Variants in SIGLECL1 observed in about 807,000 individuals in gnomAD.
The protein encoded by SIGLECL1 is SIGLEC family like 1, also known as SIGLEC family-like protein 1.
Under a neutral mutation model 19.1 loss-of-function variants are expected in SIGLECL1, and 16 were observed. The ratio of observed to expected loss-of-function variants is 0.84; its 90% CI spans 0.57 to 1.27. The LOEUF is 1.27. Among genes scored for constraint, SIGLECL1 ranks in the 50% most tolerant of loss-of-function variants. SIGLECL1 has a pLI of 0.00. For missense variants in SIGLECL1, 210 were observed against 239.4 expected, an observed-to-expected ratio of 0.88 and a Z score of 0.81; for synonymous variants, 89 against 90.4, an observed-to-expected ratio of 0.98 and a Z score of 0.09.
rs1052087481 is a variant in SIGLECL1 at position 51,267,533 on chromosome 19, T to C, written c.567+4T>C. ...ATTTTCTGAGAGCCGGATATTGGTA[T>C]GTACCTATTGTGTCTGGAATCTAGT... On this transcript the variant is annotated splice_donor_region_variant and intron_variant, in intron 5 of 5. Transcript: ENST00000601727. The C allele has an allele frequency of 1.2e-6, 2 of 1,613,788 alleles. No homozygotes were observed. Among genetic ancestry groups the C allele is most frequent in the African/African-American group, 1.3e-5 (1 of 74,984 alleles).
At chr19:51,253,929 T>G (rs1160070598) in intron 1 of SIGLECL1, among the ~76,000 whole-genome samples, 1 of 152,160 alleles carries the variant, frequency 6.6e-6, no homozygotes, top group Non-Finnish European at 1.5e-5. Flanking sequence ...AAAGATAAAA[T>G]TTCTACGTCT....
At chr19:51,250,448 G>T (rs1031006857), upstream of SIGLECL1, among the ~76,000 whole-genome samples, 2 of 152,076 alleles carry the variant, frequency 1.3e-5, no homozygotes, top group South Asian at 2.1e-4. Context: ...ATCTTGTGCT[G>T]ACCGCCTATA....
At chr19:51,266,861 G>A (rs1484643716) in intron 4 of SIGLECL1, among the ~76,000 whole-genome samples, 3 of 152,194 alleles carry the variant, frequency 2.0e-5, no homozygotes, top group Non-Finnish European at 2.9e-5. Context: ...AGAGTGCTAA[G>A]CTGTGAAGGA....
chr19:51,264,152 T>G, intron 2 of SIGLECL1, 58 bp downstream of exon 2: 2 of 1,606,760 alleles, frequency 1.2e-6, no homozygotes, highest in Non-Finnish European at 1.7e-6. Flanking sequence ...CTCCAGGGCC[T>G]GGGTGTTGGC....
At chr19:51,267,595 G>T (rs1983776133) in intron 5 of SIGLECL1, 66 bp downstream of exon 5, 3 of 1,569,102 alleles carry the variant, frequency 1.9e-6, no homozygotes, top group Non-Finnish European at 2.6e-6. Flanking sequence ...ACAGGGAAAG[G>T]AGCACACAGT....
chr19:51,267,757 C>T (rs1229894969), intron 5 of SIGLECL1, among the ~76,000 whole-genome samples: 1 of 152,186 alleles, frequency 6.6e-6, no homozygotes, highest in East Asian at 1.9e-4. Context: ...TCAATTTACA[C>T]GCACACACCA....
At chr19:51,246,469 C>T (rs561645012), upstream of SIGLECL1, 3 of 152,262 alleles carry the variant, frequency 2.0e-5, no homozygotes, top group South Asian at 6.2e-4. Flanking sequence ...GCATTTGGGG[C>T]TGGATAATTC....
chr19:51,259,842 C>T (rs1035842547), intron 1 of SIGLECL1, among the ~76,000 whole-genome samples: 1 of 152,186 alleles, frequency 6.6e-6, no homozygotes, highest in Non-Finnish European at 1.5e-5. Flanking sequence ...CTGCGAGATC[C>T]TATTATTACT....
At chr19:51,254,977 T>C (rs1489202594) in intron 1 of SIGLECL1, among the ~76,000 whole-genome samples, 1 of 152,048 alleles carries the variant, frequency 6.6e-6, no homozygotes, top group Non-Finnish European at 1.5e-5. Context: ...GACTTAAATA[T>C]AGCCAGGCGC....
chr19:51,267,867 G>C (rs749253085), intron 5 of SIGLECL1, among the ~76,000 whole-genome samples: 1 of 152,126 alleles, frequency 6.6e-6, no homozygotes, highest in African/African-American at 2.4e-5. Context: ...GTGTATGGCC[G>C]GCAGCAGTCA....
chr19:51,251,144 C>A lies in SIGLECL1; in HGVS notation c.-592C>A, dbSNP rs1325512571. ...GCTATCACGCCCCTCACGCCGCTAT[C>A]TCTGTGCAGCCGACTGAGGATCCCT... On this transcript the variant is annotated 5_prime_UTR_variant, in exon 1 of 6. Coordinates refer to ENST00000601727, the MANE Select transcript of SIGLECL1 (RefSeq NM_001385465.1). 1 of 152,426 alleles carries A rather than the reference C, an allele frequency of 6.6e-6. No individual in the cohort carries two copies. Among genetic ancestry groups the A allele is most frequent in the South Asian group, 2.1e-4 (1 of 4,832 alleles). 9.4% of individuals were successfully genotyped at this position (152,426 alleles called of 1,614,324 possible). A position where few individuals can be genotyped will look rare whatever the true frequency, so the allele number is the denominator to read the frequency against.
upstream of SIGLECL1, chr19:51,246,469 CTGGATAATTCTTTGGTGG>C (rs1200368746): frequency 6.6e-6 from 1 of 152,144 alleles, no homozygotes; most frequent in Non-Finnish European, 1.5e-5. Flanking sequence ...GCATTTGGGG[CTGGATAATTCTTTGGTGG>C]TGGTGGTTAG....
Position 51,268,700 on chromosome 19 carries a change from C to T in SIGLECL1, c.*103C>T. 1 of 1,088,074 alleles carries T rather than the reference C, an allele frequency of 9.2e-7. No homozygotes were observed. The highest frequency in any genetic ancestry group is 1.3e-6 in the Non-Finnish European group (1 of 743,198). The allele number at this position is 1,088,074 out of a possible 1,614,324, so 67.4% of individuals were successfully genotyped here. A position where few individuals can be genotyped will look rare whatever the true frequency, so the allele number is the denominator to read the frequency against. On this transcript the variant is annotated 3_prime_UTR_variant, in exon 6 of 6. Transcript: ENST00000601727. The stretch of plus-strand genomic sequence containing the variant: ...CAGAAACCCTGGAGGCTGTAATAAA[C>T]CTGGAGCCCCCTGGACTCTCCTCAG...
At chr19:51,250,084 CTTTT>C (rs529491900), upstream of SIGLECL1, among the ~76,000 whole-genome samples, 20 of 141,100 alleles carry the variant, frequency 1.4e-4, no homozygotes, top group African/African-American at 4.4e-4. Context: ...TGGCTGGCTT[CTTTT>C]TTTTTTTTTT....
At position 51,268,920 on chromosome 19, in the gene SIGLECL1, G is replaced by C. The variant is rs1160228484; in HGVS notation, c.*323G>C. On this transcript the variant is annotated 3_prime_UTR_variant, in exon 6 of 6. Coordinates refer to ENST00000601727, the MANE Select transcript of SIGLECL1 (RefSeq NM_001385465.1). ...AAATACATGTGACAATATGAATCAA[G>C]TCCATCAGCAAGTTACTTTTGAGCG... 3.7e-6 allele frequency: 1 copy of C among 266,808 alleles called. No individual in the cohort carries two copies. Among genetic ancestry groups the C allele is most frequent in the Non-Finnish European group, 7.1e-6 (1 of 140,844 alleles). The allele number at this position is 266,808 out of a possible 1,614,324, so 16.5% of individuals were successfully genotyped here.
intron 2 of SIGLECL1, 73 bp downstream of exon 2, chr19:51,264,167 C>T: frequency 5.1e-6 from 8 of 1,577,554 alleles, no homozygotes; most frequent in Non-Finnish European, 7.0e-6. Flanking sequence ...GTTGGCAGGG[C>T]AGAGGATGGG....
intron 1 of SIGLECL1, among the ~76,000 whole-genome samples, chr19:51,259,628 C>CATTGAAGGATATAATA (rs1340866242): frequency 1.3e-5 from 2 of 152,172 alleles, no homozygotes; most frequent in East Asian, 3.8e-4. Flanking sequence ...GAGTCTGCCC[C>CATTGAAGGATATAATA]ATCATTGAAG....
chr19:51,255,656 A>G (rs1982755654), intron 1 of SIGLECL1, among the ~76,000 whole-genome samples: 1 of 152,204 alleles, frequency 6.6e-6, no homozygotes, highest in African/African-American at 2.4e-5. Context: ...ATAAAAGAAG[A>G]CATACCAAAA....
upstream of SIGLECL1, among the ~76,000 whole-genome samples, chr19:51,250,157 G>A (rs1031708206): frequency 6.6e-6 from 1 of 151,766 alleles, no homozygotes; most frequent in African/African-American, 2.4e-5. Flanking sequence ...TGCAATCTCG[G>A]CTCACTGCAA....
Sources: allele counts gnomAD v4.1 joint callset (sites outside exome capture counted in the v4.1 genomes callset), GRCh38; gene constraint gnomAD v4.1.1; transcripts MANE v1.5; gene names NCBI Gene and HGNC (gene_info 2026-07-23, HGNC 2026-07-21).